Variants in PTPRT observed in about 807,000 individuals in gnomAD.
The protein encoded by PTPRT is protein tyrosine phosphatase receptor type T, also known as receptor-type tyrosine-protein phosphatase T.
In PTPRT, 56 loss-of-function variants were observed where a neutral mutation model predicts 176.8. The ratio of observed to expected loss-of-function variants is 0.32; its 90% CI spans 0.26 to 0.40. The LOEUF (loss-of-function observed/expected upper bound fraction) is 0.40. Among genes scored for constraint, PTPRT ranks in the 10% least tolerant of loss-of-function variants. PTPRT has a pLI of 1.00. For missense variants in PTPRT, 1,540 were observed against 1,908.2 expected (o/e 0.81, Z 3.60); for synonymous variants, 783 against 739.0 (o/e 1.06, Z -0.96).
chr20:42,646,177 C>T (rs891317668), intron 7 of PTPRT, among the ~76,000 whole-genome samples: 19 of 141,540 alleles, frequency 1.3e-4, no homozygotes, highest in Admixed American at 2.8e-4. Context: ...TGGTAGGTGT[C>T]ACTTTGCCCA....
chr20:42,647,649 G>A (rs2074936499), intron 7 of PTPRT, among the ~76,000 whole-genome samples: 1 of 152,156 alleles, frequency 6.6e-6, no homozygotes, highest in Admixed American at 6.5e-5. Context: ...CACAGACTCT[G>A]CACTTGAGCA....
At chr20:42,153,435 T>C (rs948422056) in intron 17 of PTPRT, among the ~76,000 whole-genome samples, 1 of 152,104 alleles carries the variant, frequency 6.6e-6, no homozygotes, top group African/African-American at 2.4e-5. Flanking sequence ...AGGACCAGGT[T>C]TTGACTCTTG....
Position 42,118,453 on chromosome 20 carries a change from C to G in PTPRT, c.2932G>C (p.Glu978Gln). 2 of 1,613,246 alleles carry G rather than the reference C, an allele frequency of 1.2e-6. No homozygotes were observed. The highest frequency in any genetic ancestry group is 1.7e-6 in the Non-Finnish European group (2 of 1,179,542). Residue 978 changes from glutamate to glutamine, a missense_variant, in exon 21 of 31, where the codon GAG becomes CAG. Glu to Gln is a conservative substitution (Grantham distance 29, BLOSUM62 2). This residue lies in a region of PTPRT where 248 missense variants were observed against 356.7 expected (regional missense o/e 0.70). Coordinates refer to ENST00000373187, the MANE Select transcript of PTPRT (RefSeq NM_007050.6). The part of the protein sequence containing the change: ...VKDFWRMIWQ[E>Q]NSASIVMVTN... The stretch of plus-strand genomic sequence containing the variant: ...ACCATGACGATGCTGGCGGAGTTCT[C>G]CTGCCAGATCATTCTCCAAAAGTCC...
At chr20:42,608,359 T>C (rs955586834) in intron 7 of PTPRT, among the ~76,000 whole-genome samples, 1 of 152,154 alleles carries the variant, frequency 6.6e-6, no homozygotes, top group Non-Finnish European at 1.5e-5. Context: ...CAGAACGTGA[T>C]GTAAATACCC....
the PTPRT span, among the ~76,000 whole-genome samples, chr20:42,035,091 C>T: frequency 6.6e-6 from 1 of 152,130 alleles, no homozygotes; most frequent in Non-Finnish European, 1.5e-5. Flanking sequence ...TCAAAAACAT[C>T]TCTCAGGAAG....
At chr20:42,607,176 C>T (rs1438151650) in intron 7 of PTPRT, among the ~76,000 whole-genome samples, 2 of 151,876 alleles carry the variant, frequency 1.3e-5, no homozygotes, top group East Asian at 3.9e-4. Context: ...TGGTGGCTAC[C>T]AGGGGGTGGG....
At chr20:42,047,074 A>T in the PTPRT span, among the ~76,000 whole-genome samples, 1 of 152,174 alleles carries the variant, frequency 6.6e-6, no homozygotes, top group Non-Finnish European at 1.5e-5. Context: ...TTCTCCAATG[A>T]GGAAATGAAA....
At chr20:42,622,945 C>T (rs1283192300) in intron 7 of PTPRT, among the ~76,000 whole-genome samples, 1 of 152,162 alleles carries the variant, frequency 6.6e-6, no homozygotes, top group African/African-American at 2.4e-5. Context: ...CCTGCTATGT[C>T]CCCCTATCTT....
intron 6 of PTPRT, among the ~76,000 whole-genome samples, chr20:42,750,238 G>A (rs1031541281): frequency 1.3e-5 from 2 of 151,934 alleles, no homozygotes; most frequent in Non-Finnish European, 2.9e-5. Flanking sequence ...TTCCTTAATA[G>A]TAATGTAAAA....
intron 9 of PTPRT, among the ~76,000 whole-genome samples, chr20:42,354,190 A>G (rs1199768632): frequency 6.6e-6 from 1 of 152,076 alleles, no homozygotes; most frequent in African/African-American, 2.4e-5. Context: ...TTTTCCTCAC[A>G]CTCCCTTGCA....
intron 16 of PTPRT, among the ~76,000 whole-genome samples, chr20:42,194,133 A>C (rs770612010): frequency 3.5e-4 from 53 of 152,206 alleles, no homozygotes; most frequent in Middle Eastern, 3.2e-3. Context: ...GACTTCGTAA[A>C]CTATGAAAGG....
chr20:42,072,029 T>C (rs923768269), downstream of PTPRT, among the ~76,000 whole-genome samples: 3 of 152,228 alleles, frequency 2.0e-5, no homozygotes, highest in African/African-American at 7.2e-5. Flanking sequence ...CCCTTGATTC[T>C]GAGTATTCCA....
At chr20:42,344,033 G>A (rs1298666868) in intron 11 of PTPRT, among the ~76,000 whole-genome samples, 1 of 152,204 alleles carries the variant, frequency 6.6e-6, no homozygotes, top group African/African-American at 2.4e-5. Flanking sequence ...TCAACTAGCT[G>A]GAATTACAGG....
chr20:42,033,442 A>G, the PTPRT span, among the ~76,000 whole-genome samples: 1 of 152,128 alleles, frequency 6.6e-6, no homozygotes. Context: ...TGCTCCACCC[A>G]CAGTCTCAGG....
At chr20:42,902,363 G>C (rs1316671932) in intron 1 of PTPRT, among the ~76,000 whole-genome samples, 2 of 152,072 alleles carry the variant, frequency 1.3e-5, no homozygotes, top group Non-Finnish European at 2.9e-5. Flanking sequence ...GGCTCTCTGT[G>C]GAACTCTGGA....
At chr20:42,753,403 C>T (rs1367534891) in intron 6 of PTPRT, among the ~76,000 whole-genome samples, 1 of 152,202 alleles carries the variant, frequency 6.6e-6, no homozygotes, top group Non-Finnish European at 1.5e-5. Flanking sequence ...TTACCACCAT[C>T]ATAATATTTA....
At chr20:42,642,068 T>C (rs532290554) in intron 7 of PTPRT, among the ~76,000 whole-genome samples, 42 of 152,256 alleles carry the variant, frequency 2.8e-4, no homozygotes, top group Admixed American at 1.6e-3. Flanking sequence ...ACACCAGCAG[T>C]GTGCCTGTCC....
chr20:43,096,280 C>A (rs2146317017), intron 1 of PTPRT, among the ~76,000 whole-genome samples: 1 of 152,172 alleles, frequency 6.6e-6, no homozygotes, highest in Admixed American at 6.5e-5. Flanking sequence ...TGAAAACTTC[C>A]CACCACCTGA....
chr20:42,542,578 G>A lies in PTPRT; in HGVS notation c.1154-70016C>T, dbSNP rs545015521. On this transcript the variant is annotated intron_variant, in intron 7 of 30. Transcript: ENST00000373187. Reference sequence around the variant, plus strand: ...TATGTAATTCTGTAAGAGCTGAGACGTGACACAATCTATGTAGAGAAGATA... The same window carrying A: ...TATGTAATTCTGTAAGAGCTGAGACATGACACAATCTATGTAGAGAAGATA... Among the ~76,000 whole-genome samples, 9 of 152,272 alleles carry A rather than the reference G, an allele frequency of 5.9e-5. No individual in the cohort carries two copies. In the East Asian group the frequency reaches 1.4e-3, roughly 23 times the overall value.
Sources: allele counts gnomAD v4.1 joint callset (sites outside exome capture counted in the v4.1 genomes callset), GRCh38; gene constraint gnomAD v4.1.1; regional missense constraint gnomAD v4.1.1; transcripts MANE v1.5; gene names NCBI Gene and HGNC (gene_info 2026-07-23, HGNC 2026-07-21).